The following FSAF1 variants were observed in gnomAD, a reference collection of about 807,000 sequenced individuals.
The protein encoded by FSAF1 is 40S small subunit processome assembly factor 1, also known as uncharacterized protein C1orf131.
the FSAF1 span, chr1:231,229,167 C>A: frequency 6.3e-7 from 1 of 1,578,058 alleles, no homozygotes; most frequent in Non-Finnish European, 8.6e-7. Context: ...AGGTTAAATT[C>A]TTGTGTATCC....
At chr1:231,239,871 G>C in the FSAF1 span, among the ~76,000 whole-genome samples, 4 of 152,216 alleles carry the variant, frequency 2.6e-5, no homozygotes, top group African/African-American at 7.2e-5. Context: ...AAAATGAATA[G>C]ACACATTCAA....
At chr1:231,240,913 C>T in the FSAF1 span, 3 of 927,330 alleles carry the variant, frequency 3.2e-6, no homozygotes, top group Non-Finnish European at 5.2e-6. The surrounding 1 kb of genome is among the most constrained non-coding windows in gnomAD (Gnocchi z 4.1). Flanking sequence ...GGGTGCTTGA[C>T]ATGCAAGAAC....
the FSAF1 span, chr1:231,226,925 C>T: frequency 6.2e-7 from 1 of 1,610,422 alleles, no homozygotes; most frequent in East Asian, 2.2e-5. Flanking sequence ...CTTGCTCTTG[C>T]TTTTTTTGCA....
chr1:231,232,820 G>A, the FSAF1 span, among the ~76,000 whole-genome samples: 31 of 152,150 alleles, frequency 2.0e-4, no homozygotes, highest in Non-Finnish European at 3.2e-4. Flanking sequence ...TCTCTTACGC[G>A]GCTTAGATTT....
At chr1:231,228,790 C>T in the FSAF1 span, among the ~76,000 whole-genome samples, 3 of 152,186 alleles carry the variant, frequency 2.0e-5, no homozygotes, top group South Asian at 4.1e-4. Context: ...AGTTCGAGAC[C>T]AGCCTGGCTA....
the FSAF1 span, chr1:231,226,648 C>A: frequency 8.4e-7 from 1 of 1,194,012 alleles, no homozygotes; most frequent in East Asian, 2.3e-5. Flanking sequence ...GCCTTCATTG[C>A]TCTCCAAGCA....
the FSAF1 span, chr1:231,224,294 G>C: frequency 6.2e-7 from 1 of 1,610,566 alleles, no homozygotes; most frequent in East Asian, 2.2e-5. Flanking sequence ...TGGCCACTCT[G>C]GAAGAATTTA....
chr1:231,228,708 C>T, the FSAF1 span, among the ~76,000 whole-genome samples: 2 of 151,938 alleles, frequency 1.3e-5, no homozygotes, highest in Admixed American at 6.6e-5. Context: ...TAATTTGGGC[C>T]GGGTGCAGTG....
chr1:231,227,342 A>T, the FSAF1 span, among the ~76,000 whole-genome samples: 2 of 152,054 alleles, frequency 1.3e-5, no homozygotes, highest in Non-Finnish European at 2.9e-5. Flanking sequence ...AGGCATGATC[A>T]TGTCTCACTG....
chr1:231,231,694 G>A, the FSAF1 span, among the ~76,000 whole-genome samples: 30 of 152,276 alleles, frequency 2.0e-4, no homozygotes, highest in Admixed American at 7.8e-4. Flanking sequence ...TTGGCCAACT[G>A]TATGATAGCT....
chr1:231,229,628 G>A, the FSAF1 span, among the ~76,000 whole-genome samples: 4 of 152,282 alleles, frequency 2.6e-5, no homozygotes, highest in African/African-American at 4.8e-5. Flanking sequence ...ACTTTTGAAC[G>A]TGGCATATAC....
the FSAF1 span, chr1:231,225,920 T>C: frequency 5.6e-6 from 1 of 179,682 alleles, no homozygotes; most frequent in Admixed American, 6.7e-5. Context: ...AGGTGAAAGG[T>C]AGAAAGTGTA....
chr1:231,240,535 T>TAAA, the FSAF1 span, among the ~76,000 whole-genome samples: 1 of 144,758 alleles, frequency 6.9e-6, no homozygotes, highest in Non-Finnish European at 1.5e-5. This position sits in a 1 kb window ranked among gnomAD's most constrained non-coding sequence, Gnocchi z 4.1. Context: ...CGCACTTGTT[T>TAAA]AAAAAAAAAA....
At chr1:231,230,101 C>G in the FSAF1 span, among the ~76,000 whole-genome samples, 2 of 152,132 alleles carry the variant, frequency 1.3e-5, no homozygotes, top group East Asian at 3.9e-4. Flanking sequence ...AAGCATGTTG[C>G]TCAAAATCCT....
chr1:231,225,234 C>G, the FSAF1 span: 1 of 555,514 alleles, frequency 1.8e-6, no homozygotes, highest in Non-Finnish European at 3.2e-6. Flanking sequence ...AGCTTTTCCA[C>G]TAGTCACTTA....
the FSAF1 span, chr1:231,238,846 C>T: frequency 6.2e-7 from 1 of 1,604,534 alleles, no homozygotes; most frequent in East Asian, 2.2e-5. Flanking sequence ...ATAAGCTAAC[C>T]AACTCATTAC....
chr1:231,240,919 A>G, the FSAF1 span: 3 of 996,288 alleles, frequency 3.0e-6, no homozygotes, highest in South Asian at 4.1e-5. The surrounding 1 kb of genome is among the most constrained non-coding windows in gnomAD (Gnocchi z 4.1). Flanking sequence ...TTGACATGCA[A>G]GAACCTTTAG....
the FSAF1 span, among the ~76,000 whole-genome samples, chr1:231,226,138 C>T: frequency 4.0e-5 from 6 of 151,490 alleles, no homozygotes; most frequent in South Asian, 4.2e-4. Context: ...ACATTAGAGA[C>T]GGGACCTAGT....
the FSAF1 span, chr1:231,225,210 G>C: frequency 6.4e-5 from 34 of 534,594 alleles, no homozygotes; most frequent in Middle Eastern, 1.4e-3. Flanking sequence ...TCTTTTCTTG[G>C]AAATGTAAAC....
Sources: allele counts gnomAD v4.1 joint callset (sites outside exome capture counted in the v4.1 genomes callset), GRCh38; gene constraint gnomAD v4.1.1; non-coding constraint Gnocchi (gnomAD v3.1); transcripts MANE v1.5; gene names NCBI Gene and HGNC (gene_info 2026-07-23, HGNC 2026-07-21).